Variants in GPATCH1 observed in about 807,000 individuals in gnomAD.
GPATCH1 encodes G-patch domain containing 1.
Under a neutral mutation model 114.9 loss-of-function variants are expected in GPATCH1, and 73 were observed. The observed-to-expected ratio is 0.64, with a 90% CI of 0.53 to 0.77. The LOEUF (loss-of-function observed/expected upper bound fraction) is 0.77. Among genes scored for constraint, GPATCH1 ranks in the 30% least tolerant of loss-of-function variants. GPATCH1 has a pLI of 0.00. For missense variants in GPATCH1, 1,058 were observed against 1,144.3 expected (o/e 0.92, Z 1.09); for synonymous variants, 391 against 428.4 (o/e 0.91, Z 1.08).
intron 19 of GPATCH1, 141 bp downstream of exon 19, chr19:33,126,874 T>C: frequency 1.4e-6 from 1 of 709,434 alleles, no homozygotes; most frequent in Non-Finnish European, 2.3e-6. Context: ...CCCAGCACTT[T>C]GGGAGGCTGA....
At position 33,109,916 on chromosome 19, in the gene GPATCH1, G is replaced by T. The variant is rs765042246; in HGVS notation, c.1485G>T (p.Thr495=). The T allele has an allele frequency of 6.2e-6, 10 of 1,613,946 alleles. No homozygotes were observed. The highest frequency in any genetic ancestry group is 1.3e-5 in the African/African-American group (1 of 74,898). ...CSWNMALGGG[T]ATLKASNFKP... ...GGAACATGGCATTAGGTGGTGGGAC[G>T]GCCACCTTAAAAGCCAGCAACTTCA... Residue 495 remains threonine (T), a synonymous_variant, in exon 11 of 20, where the codon ACG becomes ACT. Transcript: ENST00000170564.
Position 33,106,699 on chromosome 19 carries a change from ATCCACC to A in GPATCH1, c.1090_1095del (p.Pro364_Pro365del). On this transcript the variant is annotated inframe_deletion, in exon 10 of 20. Coordinates refer to ENST00000170564, the MANE Select transcript of GPATCH1 (RefSeq NM_018025.3). The stretch of plus-strand genomic sequence containing the variant: ...GTTTTGTCTTGGTTTGTTAAGATCT[ATCCACC>A]TCCAGAGCTGCCAAGAGACTATCGA... 1 of 1,612,602 alleles carries A rather than the reference ATCCACC, an allele frequency of 6.2e-7. No homozygotes were observed. Among genetic ancestry groups the A allele is most frequent in the Non-Finnish European group, 8.5e-7 (1 of 1,179,028 alleles).
intron 15 of GPATCH1, among the ~76,000 whole-genome samples, chr19:33,114,698 T>C (rs1599863270): frequency 6.6e-6 from 1 of 152,270 alleles, no homozygotes; most frequent in East Asian, 1.9e-4. Flanking sequence ...TATTTAACTT[T>C]ATAAGAAGCT....
intron 7 of GPATCH1, among the ~76,000 whole-genome samples, chr19:33,096,930 C>T (rs956016245): frequency 3.5e-5 from 5 of 142,262 alleles, no homozygotes; most frequent in African/African-American, 1.3e-4. Flanking sequence ...CGCCTGGCCA[C>T]CTTTTCTTTC....
chr19:33,088,823 AT>A (rs1280426952), intron 2 of GPATCH1, among the ~76,000 whole-genome samples: 1 of 151,390 alleles, frequency 6.6e-6, no homozygotes, highest in African/African-American at 2.4e-5. Context: ...TGCCCAGCTA[AT>A]TTTTTTTGTG....
intron 17 of GPATCH1, among the ~76,000 whole-genome samples, chr19:33,120,470 G>A (rs1335232595): frequency 6.8e-6 from 1 of 147,788 alleles, no homozygotes; most frequent in Non-Finnish European, 1.5e-5. Context: ...TTGAACCTGA[G>A]AGGCAAAGGT....
At chr19:33,102,864 G>A (rs1390303567) in intron 9 of GPATCH1, among the ~76,000 whole-genome samples, 1 of 152,246 alleles carries the variant, frequency 6.6e-6, no homozygotes. Context: ...CCCATGCTCT[G>A]AAGCTAGCAG....
At chr19:33,103,073 A>G (rs7259582) in intron 9 of GPATCH1, among the ~76,000 whole-genome samples, 63,347 of 152,220 alleles carry the variant, frequency 0.42, 16,668 homozygotes, top group African/African-American at 0.73. Context: ...GCTCACAGGC[A>G]CACTCAGGAG....
At chr19:33,089,149 C>T (rs957583490) in intron 2 of GPATCH1, among the ~76,000 whole-genome samples, 1 of 152,188 alleles carries the variant, frequency 6.6e-6, no homozygotes, top group Non-Finnish European at 1.5e-5. Context: ...TCTTGCCATT[C>T]ACGAAATACT....
chr19:33,081,226 T>G lies in GPATCH1; in HGVS notation c.33T>G (p.Asp11Glu), dbSNP rs1380148184. 1.0e-5 allele frequency: 16 copies of G among 1,551,678 alleles called. No individual in the cohort carries two copies. MAARDSDSEE[D>E]LVSYGTGLEP... is the part of the protein sequence containing the mutation. ...CGCGGGACAGTGACAGCGAAGAAGATCTGGTCAGCTATGGGACCGGGCTGG... is the reference window on the plus strand; with the variant it reads ...CGCGGGACAGTGACAGCGAAGAAGAGCTGGTCAGCTATGGGACCGGGCTGG... The change falls in exon 1 of 20, where the codon GAT (aspartate) becomes GAG (glutamate). Residue 11 changes from aspartate (D) to glutamate (E), a missense_variant. This residue lies in a region of GPATCH1 where 131 missense variants were observed against 107.2 expected (regional missense o/e 1.22). Coordinates refer to ENST00000170564, the MANE Select transcript of GPATCH1 (RefSeq NM_018025.3).
At chr19:33,082,729 G>A (rs958040529) in intron 1 of GPATCH1, among the ~76,000 whole-genome samples, 4 of 152,102 alleles carry the variant, frequency 2.6e-5, no homozygotes, top group Non-Finnish European at 1.5e-5. Flanking sequence ...CTAGTCTTCC[G>A]AATGCTTTTT....
chr19:33,088,224 G>C lies in GPATCH1; in HGVS notation c.164G>C (p.Gly55Ala). The C allele has an allele frequency of 6.2e-7, 1 of 1,607,832 alleles. No individual in the cohort carries two copies. Residue 55 changes from glycine (G) to alanine (A), a missense_variant, in exon 2 of 20, where the codon GGA (glycine) becomes GCA (alanine). By Grantham distance (60) the Gly-to-Ala change is moderately conservative. Around this residue, in one of 3 missense-constraint regions of GPATCH1, gnomAD observed 131 missense variants for 107.2 expected, o/e 1.22. Transcript: ENST00000170564. ...RYKRFHGAFS[G>A]GFSAGYFNTV... ...AAACGATTCCACGGGGCCTTTAGTG[G>C]AGGTTTCTCTGCTGGATACTTCAAT...
intron 9 of GPATCH1, 21 bp downstream of exon 9, chr19:33,101,595 T>C: frequency 3.9e-6 from 5 of 1,266,936 alleles, no homozygotes; most frequent in Non-Finnish European, 5.7e-6. Flanking sequence ...CTTTTTTTCT[T>C]TCTTTTTTTA....
chr19:33,124,823 C>T (rs905850043), intron 17 of GPATCH1, among the ~76,000 whole-genome samples: 6 of 152,126 alleles, frequency 3.9e-5, no homozygotes, highest in African/African-American at 7.2e-5. Flanking sequence ...CTTTCTGGTC[C>T]GACTTTATCT....
intron 9 of GPATCH1, among the ~76,000 whole-genome samples, chr19:33,103,104 C>T (rs1972745174): frequency 6.6e-6 from 1 of 152,212 alleles, no homozygotes; most frequent in Non-Finnish European, 1.5e-5. Context: ...TGCTGGCCAG[C>T]CCAGGAGGGG....
intron 9 of GPATCH1, among the ~76,000 whole-genome samples, chr19:33,105,999 C>A (rs1972780464): frequency 6.6e-6 from 1 of 151,932 alleles, no homozygotes; most frequent in Admixed American, 6.6e-5. Flanking sequence ...CAGGTGTGCG[C>A]TACCACGCCT....
At chr19:33,090,646 T>C (rs1399651567) in intron 2 of GPATCH1, 134 bp from the exon 3 acceptor site, 57 of 596,352 alleles carry the variant, frequency 9.6e-5, no homozygotes, top group Non-Finnish European at 2.7e-5. Flanking sequence ...TACGTCTATA[T>C]AAGCACTGAG....
Position 33,096,407 on chromosome 19 carries a change from T to A in GPATCH1, c.813T>A (p.Ile271=), listed in dbSNP as rs557732183. Residue 271 remains isoleucine, a synonymous_variant, in exon 7 of 20, where the codon ATT becomes ATA. Coordinates refer to ENST00000170564, the MANE Select transcript of GPATCH1 (RefSeq NM_018025.3). ...GSERAGDLGE[I]GLNKGRKLGI... is the part of the protein sequence containing the mutation. Reference sequence around the variant, plus strand: ...AGAGAGCTGGCGATCTTGGAGAAATTGGACTGAATAAAGGAAGAAAATTGG... The same window carrying A: ...AGAGAGCTGGCGATCTTGGAGAAATAGGACTGAATAAAGGAAGAAAATTGG... The A allele has an allele frequency of 6.2e-6, 10 of 1,613,932 alleles. No individual in the cohort carries two copies. Among genetic ancestry groups the A allele is most frequent in the Non-Finnish European group, 6.8e-6 (8 of 1,179,838 alleles).
At chr19:33,107,899 G>A (rs948761467) in intron 10 of GPATCH1, among the ~76,000 whole-genome samples, 2 of 151,006 alleles carry the variant, frequency 1.3e-5, no homozygotes, top group Admixed American at 6.6e-5. Context: ...TGTGCACAAC[G>A]TGCAGGTTTG....
Sources: gnomAD v4.1 joint callset for allele counts (sites outside exome capture counted in the v4.1 genomes callset) on GRCh38, gnomAD v4.1.1 for gene constraint, gnomAD v4.1.1 regional missense constraint, MANE v1.5 for transcripts, NCBI Gene and HGNC (gene_info 2026-07-23, HGNC 2026-07-21) for gene names.